ACSS3: variants seen among roughly 807,000 people sequenced by gnomAD.
ACSS3 encodes acyl-CoA synthetase short chain family member 3, also known as acyl-CoA synthetase short-chain family member 3, mitochondrial.
A neutral mutation model predicts 84.2 loss-of-function variants in ACSS3; 64 were observed. The ratio of observed to expected loss-of-function variants is 0.76; its 90% CI spans 0.62 to 0.94. The LOEUF (loss-of-function observed/expected upper bound fraction) is 0.94, where lower values mean the gene tolerates loss of function less well. ACSS3 is among the 40% of genes least tolerant of loss of function. ACSS3 has a pLI of 0.00. For synonymous variants in ACSS3, 317 were observed against 310.1 expected (o/e 1.02, Z -0.23); for missense variants, 815 against 867.6 (o/e 0.94, Z 0.76).
rs567583044 is a variant in ACSS3 at position 81,141,945 on chromosome 12, T to C, written c.781-1162T>C. Among the ~76,000 whole-genome samples the C allele has an allele frequency of 7.2e-5, 11 of 152,350 alleles. 1 individual carries two copies. The East Asian group carries it at 1.9e-3, about 27-fold the overall frequency. On this transcript the variant is annotated intron_variant, in intron 4 of 15. Coordinates refer to ENST00000548058, the MANE Select transcript of ACSS3 (RefSeq NM_024560.4). ...GATTCAGCTATAAATGTGTTAGCTA[T>C]AAATGTGTTTATTCATACAGGTATC...
At chr12:81,163,532 C>T (rs888102753) in intron 7 of ACSS3, among the ~76,000 whole-genome samples, 1 of 152,146 alleles carries the variant, frequency 6.6e-6, no homozygotes, top group Non-Finnish European at 1.5e-5. Flanking sequence ...TATTTTAGAG[C>T]GTACTCCTAC....
intron 5 of ACSS3, among the ~76,000 whole-genome samples, chr12:81,145,137 T>C (rs1886278047): frequency 6.8e-6 from 1 of 147,234 alleles, no homozygotes; most frequent in Non-Finnish European, 1.5e-5. Context: ...AGGATGGTCC[T>C]AATCTCCTGA....
At chr12:81,193,567 T>C (rs11114785) in intron 8 of ACSS3, among the ~76,000 whole-genome samples, 12,081 of 152,014 alleles carry the variant, frequency 0.079, 665 homozygotes, top group Non-Finnish European at 0.12. Context: ...CTCCTTTTTT[T>C]CTATTCTGAA....
intron 1 of ACSS3, among the ~76,000 whole-genome samples, chr12:81,092,296 A>G (rs1424609154): frequency 6.6e-6 from 1 of 152,182 alleles, no homozygotes; most frequent in Non-Finnish European, 1.5e-5. Context: ...TAACTCTAAA[A>G]AACAATGTTA....
At chr12:81,241,845 A>T (rs1381812111) in intron 13 of ACSS3, among the ~76,000 whole-genome samples, 1 of 151,902 alleles carries the variant, frequency 6.6e-6, no homozygotes, top group African/African-American at 2.4e-5. Context: ...GTTTAATTAG[A>T]TCCCATTTGT....
chr12:81,205,872 C>A (rs1007475367), intron 9 of ACSS3, among the ~76,000 whole-genome samples: 1 of 152,054 alleles, frequency 6.6e-6, no homozygotes, highest in Non-Finnish European at 1.5e-5. Context: ...TGTGTGTTAG[C>A]GTGTGACTTT....
intron 9 of ACSS3, among the ~76,000 whole-genome samples, chr12:81,203,508 T>C (rs1221366889): frequency 1.3e-5 from 2 of 152,198 alleles, no homozygotes; most frequent in Non-Finnish European, 2.9e-5. Flanking sequence ...ACTAACATCC[T>C]CTTTATTTCA....
chr12:81,097,420 G>A (rs10778785), intron 1 of ACSS3, among the ~76,000 whole-genome samples: 59,254 of 151,962 alleles, frequency 0.39, 11,790 homozygotes, highest in East Asian at 0.52. Flanking sequence ...TGCTGACCCC[G>A]GCCCTAAAAC....
At chr12:81,183,679 T>A (rs2135850332) in intron 8 of ACSS3, among the ~76,000 whole-genome samples, 1 of 152,124 alleles carries the variant, frequency 6.6e-6, no homozygotes, top group Non-Finnish European at 1.5e-5. Flanking sequence ...AGACTTCAAA[T>A]CAAAAGCTGT....
At chr12:81,185,496 G>A (rs566330138) in intron 8 of ACSS3, among the ~76,000 whole-genome samples, 54 of 151,644 alleles carry the variant, frequency 3.6e-4, no homozygotes, top group African/African-American at 1.3e-3. Flanking sequence ...CTAAATTGCA[G>A]AATACAAAAT....
intron 13 of ACSS3, among the ~76,000 whole-genome samples, chr12:81,236,825 A>G (rs2033643498): frequency 6.6e-6 from 1 of 151,112 alleles, no homozygotes. Context: ...TTCTTGGGCC[A>G]TGGTTATTGC....
intron 1 of ACSS3, among the ~76,000 whole-genome samples, chr12:81,079,020 A>G (rs949801728): frequency 6.6e-6 from 1 of 152,076 alleles, no homozygotes; most frequent in African/African-American, 2.4e-5. Context: ...GTGGTGAGTC[A>G]GGGGCTGGGT....
At position 81,243,389 on chromosome 12, in the gene ACSS3, G is replaced by A. The variant is rs141067381; in HGVS notation, c.1719+9918G>A. Among the ~76,000 whole-genome samples, 644 of 152,238 alleles carry A rather than the reference G, an allele frequency of 4.2e-3. 3 individuals are homozygous for A. The highest frequency in any genetic ancestry group is 0.017 in the Middle Eastern group (5 of 294). On this transcript the variant is annotated intron_variant, in intron 13 of 15. Transcript: ENST00000548058. ...ACAAAGAAATGCAAGAACATTCCAC[G>A]CTCATGGGTAGGAAGAATCAATATC...
chr12:81,260,285 A>G lies in ACSS3; in HGVS notation c.*5363A>G, dbSNP rs1236333049. ...CTAGATTGAATTATTGTAAATGAAT[A>G]CTGTTATCCCAATTAATGGTAAAAA... On this transcript the variant is annotated 3_prime_UTR_variant, in exon 16 of 16. Transcript: ENST00000548058. 6.6e-6 allele frequency: 1 copy of G among 152,218 alleles called. No homozygotes were observed. The highest frequency in any genetic ancestry group is 1.5e-5 in the Non-Finnish European group (1 of 68,030). The allele number at this position is 152,218 out of a possible 1,614,324, so 9.4% of individuals were successfully genotyped here.
chr12:81,222,912 T>G (rs527965535), intron 11 of ACSS3, among the ~76,000 whole-genome samples: 1 of 152,136 alleles, frequency 6.6e-6, no homozygotes, highest in African/African-American at 2.4e-5. Context: ...AGAAAATTCT[T>G]TTGATTTGGA....
chr12:81,183,601 A>G (rs753391768), intron 8 of ACSS3, among the ~76,000 whole-genome samples: 1 of 152,074 alleles, frequency 6.6e-6, no homozygotes, highest in Non-Finnish European at 1.5e-5. Context: ...AAAAAGATGG[A>G]AGGGGAACAT....
chr12:81,195,833 G>C (rs761582425), intron 8 of ACSS3, among the ~76,000 whole-genome samples: 1 of 152,014 alleles, frequency 6.6e-6, no homozygotes. Flanking sequence ...CAGGACACGC[G>C]AATTTTACCT....
intron 10 of ACSS3, among the ~76,000 whole-genome samples, chr12:81,218,424 A>G (rs188842004): frequency 1.6e-4 from 25 of 152,330 alleles, no homozygotes; most frequent in Non-Finnish European, 2.8e-4. Flanking sequence ...CTTCTCTAAC[A>G]TAAAAATATT....
chr12:81,135,469 TACAC>T (rs139996036), intron 3 of ACSS3, among the ~76,000 whole-genome samples: 1 of 146,058 alleles, frequency 6.8e-6, no homozygotes, highest in East Asian at 2.0e-4. Context: ...ATAAAATATA[TACAC>T]ACACACACAC....
Sources: gnomAD v4.1 joint callset for allele counts (sites outside exome capture counted in the v4.1 genomes callset) on GRCh38, gnomAD v4.1.1 for gene constraint, MANE v1.5 for transcripts, NCBI Gene and HGNC (gene_info 2026-07-23, HGNC 2026-07-21) for gene names.